R3HCC1L: variants seen among roughly 807,000 people sequenced by gnomAD.
R3HCC1L encodes coiled-coil domain-containing protein R3HCC1L.
Under a neutral mutation model 59.9 loss-of-function variants are expected in R3HCC1L, and 51 were observed. The ratio of observed to expected loss-of-function variants is 0.85; its 90% CI spans 0.68 to 1.07. The LOEUF (loss-of-function observed/expected upper bound fraction) is 1.07. R3HCC1L is among the 50% of genes least tolerant of loss of function. R3HCC1L has a pLI of 0.00. For missense variants in R3HCC1L, 965 were observed against 933.0 expected, an observed-to-expected ratio of 1.03 and a Z score of -0.45; for synonymous variants, 322 against 315.2, an observed-to-expected ratio of 1.02 and a Z score of -0.23.
At chr10:98,238,443 A>G (rs1857186575) in intron 9 of R3HCC1L, among the ~76,000 whole-genome samples, 1 of 152,184 alleles carries the variant, frequency 6.6e-6, no homozygotes, top group Non-Finnish European at 1.5e-5. Flanking sequence ...CTCTCACTTC[A>G]GTTCTGAAGA....
chr10:98,201,768 A>G (rs996552252), intron 4 of R3HCC1L, among the ~76,000 whole-genome samples: 1 of 152,230 alleles, frequency 6.6e-6, no homozygotes, highest in Non-Finnish European at 1.5e-5. Flanking sequence ...CCTTTGTTTT[A>G]TAAGTGAGAC....
chr10:98,216,304 A>G (rs1854198735), intron 5 of R3HCC1L, among the ~76,000 whole-genome samples: 1 of 152,080 alleles, frequency 6.6e-6, no homozygotes, highest in African/African-American at 2.4e-5. Context: ...GCTTGAGTGC[A>G]GGAGTTTGAG....
intron 4 of R3HCC1L, among the ~76,000 whole-genome samples, chr10:98,181,972 G>A (rs919228599): frequency 2.6e-5 from 4 of 152,064 alleles, no homozygotes; most frequent in African/African-American, 7.2e-5. Flanking sequence ...CCTTTAGCTC[G>A]GAGAAGTTTG....
At position 98,191,835 on chromosome 10, in the gene R3HCC1L, G is replaced by A. The variant is rs573376826; in HGVS notation, c.-14-16266G>A. 1.6e-4 allele frequency among the ~76,000 whole-genome samples: 24 copies of A among 152,270 alleles called. No individual in the cohort carries two copies. In the South Asian group the frequency reaches 5.0e-3, roughly 32 times the overall value. ...TCTTGAATCAATTTTTGTATAAGGT[G>A]TAAGGTAAGGATGGAGTCTCACTCT... On this transcript the variant is annotated intron_variant, in intron 4 of 9. Transcript: ENST00000298999.
intron 4 of R3HCC1L, among the ~76,000 whole-genome samples, chr10:98,173,661 T>A (rs1848730121): frequency 6.6e-6 from 1 of 152,146 alleles, no homozygotes. Context: ...TAAATACCCC[T>A]AAGCAGAGTG....
At chr10:98,166,092 C>G (rs1435402264) in intron 4 of R3HCC1L, among the ~76,000 whole-genome samples, 1 of 152,184 alleles carries the variant, frequency 6.6e-6, no homozygotes, top group Non-Finnish European at 1.5e-5. Context: ...ATCACTTGAA[C>G]CCGGAGGTGG....
chr10:98,137,517 A>G (rs1844715903), intron 1 of R3HCC1L, among the ~76,000 whole-genome samples: 1 of 152,232 alleles, frequency 6.6e-6, no homozygotes, highest in South Asian at 2.1e-4. Context: ...TTTATCTGTA[A>G]AATGAGGATA....
rs1857877192 is a variant in R3HCC1L, at chr10:98,244,308, G to A, written c.*150G>A. On this transcript the variant is annotated 3_prime_UTR_variant, in exon 10 of 10. Transcript: ENST00000298999. ...GACAAGGACTGACTGGGTATAGAAG[G>A]AAGACAGACTCCTGTCTTCACTCCT... The A allele has an allele frequency of 1.5e-6, 1 of 671,922 alleles. No homozygotes were observed. Among genetic ancestry groups the A allele is most frequent in the African/African-American group, 1.8e-5 (1 of 55,148 alleles). 41.6% of individuals were successfully genotyped at this position (671,922 alleles called of 1,614,324 possible). A position where few individuals can be genotyped will look rare whatever the true frequency, so the allele number is the denominator to read the frequency against.
At chr10:98,144,574 A>G (rs1054394896) in intron 1 of R3HCC1L, among the ~76,000 whole-genome samples, 3 of 152,216 alleles carry the variant, frequency 2.0e-5, no homozygotes, top group Non-Finnish European at 2.9e-5. Flanking sequence ...CTGGGGTTCA[A>G]ATTCTGGCTT....
At chr10:98,240,556 C>CAA (rs1256494288) in intron 9 of R3HCC1L, among the ~76,000 whole-genome samples, 2 of 152,208 alleles carry the variant, frequency 1.3e-5, no homozygotes, top group Non-Finnish European at 2.9e-5. Flanking sequence ...GCCTGAAAGG[C>CAA]AAAGTAAGTA....
At chr10:98,155,103 T>G (rs947964695) in intron 1 of R3HCC1L, among the ~76,000 whole-genome samples, 5 of 152,244 alleles carry the variant, frequency 3.3e-5, no homozygotes, top group African/African-American at 1.2e-4. Flanking sequence ...CCCAGTCTTC[T>G]ATTTGGAAAT....
chr10:98,201,869 A>C (rs1047070816), intron 4 of R3HCC1L, among the ~76,000 whole-genome samples: 9 of 145,232 alleles, frequency 6.2e-5, no homozygotes, highest in Non-Finnish European at 1.5e-5. Context: ...ACCAATGACT[A>C]TGAAAGATGA....
At chr10:98,210,239 G>T (rs1022203209) in intron 5 of R3HCC1L, among the ~76,000 whole-genome samples, 1 of 152,162 alleles carries the variant, frequency 6.6e-6, no homozygotes, top group Non-Finnish European at 1.5e-5. Context: ...TTAAGGGAAG[G>T]AGAATAATTT....
At chr10:98,189,444 A>G (rs995180515) in intron 4 of R3HCC1L, among the ~76,000 whole-genome samples, 2 of 152,164 alleles carry the variant, frequency 1.3e-5, no homozygotes, top group African/African-American at 4.8e-5. Context: ...AGTAAGGTCT[A>G]TCTATGTAAG....
intron 2 of R3HCC1L, among the ~76,000 whole-genome samples, chr10:98,157,808 A>T (rs190635701): frequency 1.0e-3 from 155 of 152,346 alleles, no homozygotes; most frequent in African/African-American, 3.7e-3. Flanking sequence ...CCATTCTTTT[A>T]ACACAAAAAC....
intron 4 of R3HCC1L, among the ~76,000 whole-genome samples, chr10:98,204,925 G>T (rs1262934855): frequency 6.6e-6 from 1 of 152,068 alleles, no homozygotes; most frequent in Non-Finnish European, 1.5e-5. Context: ...TAAGAGTGGG[G>T]ACTACTGTAT....
intron 4 of R3HCC1L, among the ~76,000 whole-genome samples, chr10:98,197,607 T>C (rs1851582168): frequency 6.6e-6 from 1 of 152,224 alleles, no homozygotes; most frequent in Admixed American, 6.5e-5. Context: ...AGTTAATAAA[T>C]ATTTGTGGAA....
chr10:98,233,370 C>A (rs553470361), intron 6 of R3HCC1L, among the ~76,000 whole-genome samples: 1 of 152,188 alleles, frequency 6.6e-6, no homozygotes, highest in Non-Finnish European at 1.5e-5. Flanking sequence ...CTCTAGAACC[C>A]ATCTGTGATT....
intron 2 of R3HCC1L, among the ~76,000 whole-genome samples, chr10:98,157,403 C>T (rs1203211441): frequency 6.6e-6 from 1 of 152,196 alleles, no homozygotes; most frequent in Non-Finnish European, 1.5e-5. Context: ...TCCAGTCAGC[C>T]CCTGATCCAT....
Sources: gnomAD v4.1 joint callset for allele counts (sites outside exome capture counted in the v4.1 genomes callset) on GRCh38, gnomAD v4.1.1 for gene constraint, MANE v1.5 for transcripts, NCBI Gene and HGNC (gene_info 2026-07-23, HGNC 2026-07-21) for gene names.